Variants in SPATS2 observed in about 807,000 individuals in gnomAD.
SPATS2 encodes the protein spermatogenesis-associated serine-rich protein 2.
In SPATS2, 38 loss-of-function variants were observed where a neutral mutation model predicts 63.7. The ratio of observed to expected loss-of-function variants is 0.60; its 90% CI spans 0.46 to 0.78. The LOEUF (loss-of-function observed/expected upper bound fraction) is 0.78, where lower values mean the gene tolerates loss of function less well. Ranked by LOEUF, SPATS2 falls within the 30% of genes least tolerant of loss-of-function variation. The pLI, the probability that SPATS2 is intolerant of heterozygous loss-of-function variation, is 0.00. For missense variants in SPATS2, 588 were observed against 666.2 expected, an observed-to-expected ratio of 0.88 and a Z score of 1.29; for synonymous variants, 207 against 232.9, an observed-to-expected ratio of 0.89 and a Z score of 1.01.
chr12:49,462,576 C>T, intron 3 of SPATS2: 1 of 621,202 alleles, frequency 1.6e-6, no homozygotes, highest in Non-Finnish European at 2.9e-6. Flanking sequence ...GCACTCGTGG[C>T]TCCTGAGCTC....
chr12:49,503,999 T>G (rs1043760949), intron 9 of SPATS2, among the ~76,000 whole-genome samples: 36 of 152,178 alleles, frequency 2.4e-4, no homozygotes, highest in African/African-American at 8.4e-4. Flanking sequence ...AGCCCTTTGC[T>G]CTGGTTGATT....
intron 13 of SPATS2, among the ~76,000 whole-genome samples, chr12:49,525,326 C>T (rs1449813356): frequency 6.6e-6 from 1 of 152,168 alleles, no homozygotes; most frequent in Non-Finnish European, 1.5e-5. Flanking sequence ...CACTAGAAAG[C>T]TGAGGAGTAA....
chr12:49,376,709 ATTTTTTTT>A (rs33952223), intron 2 of SPATS2, among the ~76,000 whole-genome samples: 22 of 55,776 alleles, frequency 3.9e-4, no homozygotes, highest in East Asian at 1.2e-3. Context: ...TGTTTTGTTG[ATTTTTTTT>A]TTTTTTTTTT....
chr12:49,372,706 T>G (rs1362828413), intron 2 of SPATS2, among the ~76,000 whole-genome samples: 1 of 152,142 alleles, frequency 6.6e-6, no homozygotes, highest in Non-Finnish European at 1.5e-5. Flanking sequence ...CTTCTGTATC[T>G]TCCTGCATTC....
At chr12:49,376,406 A>AT (rs1267689986) in intron 2 of SPATS2, among the ~76,000 whole-genome samples, 2 of 150,570 alleles carry the variant, frequency 1.3e-5, no homozygotes, top group African/African-American at 2.4e-5. Context: ...CCCGCCCCTG[A>AT]TTTTTTTTAA....
intron 8 of SPATS2, among the ~76,000 whole-genome samples, chr12:49,499,365 G>A (rs1458738364): frequency 6.6e-6 from 1 of 151,996 alleles, no homozygotes; most frequent in Non-Finnish European, 1.5e-5. Context: ...CCCTGGCCTG[G>A]TGAGCTCTGG....
At chr12:49,397,383 T>G (rs1008507682) in intron 2 of SPATS2, among the ~76,000 whole-genome samples, 1 of 152,170 alleles carries the variant, frequency 6.6e-6, no homozygotes, top group African/African-American at 2.4e-5. Context: ...AAGTAGATAT[T>G]AAAAAGATGT....
chr12:49,510,639 A>ATGGTT (rs1042752097), intron 9 of SPATS2, among the ~76,000 whole-genome samples: 1 of 152,052 alleles, frequency 6.6e-6, no homozygotes, highest in African/African-American at 2.4e-5. Context: ...GTATTATTGA[A>ATGGTT]TGGTTTTGAC....
intron 5 of SPATS2, chr12:49,490,430 C>T: frequency 2.2e-6 from 1 of 457,270 alleles, no homozygotes. Flanking sequence ...GGCCCAGCTA[C>T]ATTAGTCTCT....
intron 2 of SPATS2, among the ~76,000 whole-genome samples, chr12:49,400,567 C>T (rs116393865): frequency 1.1e-3 from 172 of 152,166 alleles, no homozygotes; most frequent in African/African-American, 4.1e-3. Flanking sequence ...GAGGAGTTGG[C>T]TGTAGATAGG....
At chr12:49,372,715 T>C (rs1320995969) in intron 2 of SPATS2, among the ~76,000 whole-genome samples, 1 of 152,134 alleles carries the variant, frequency 6.6e-6, no homozygotes, top group Non-Finnish European at 1.5e-5. Flanking sequence ...CTTCCTGCAT[T>C]CATTAAAAAA....
intron 9 of SPATS2, among the ~76,000 whole-genome samples, chr12:49,506,263 C>T (rs757003923): frequency 2.6e-5 from 4 of 152,124 alleles, no homozygotes; most frequent in East Asian, 1.9e-4. Context: ...AGGCTGTATT[C>T]GTCTGTTCTC....
chr12:49,449,595 G>C (rs980603945), intron 2 of SPATS2, among the ~76,000 whole-genome samples: 8 of 152,188 alleles, frequency 5.3e-5, no homozygotes, highest in African/African-American at 1.7e-4. Flanking sequence ...ATTTATAAAG[G>C]AAAGAGGTTT....
Position 49,435,727 on chromosome 12 carries a change from G to C in SPATS2, c.-243-25043G>C, listed in dbSNP as rs142114869. On this transcript the variant is annotated intron_variant, in intron 2 of 13. Transcript: ENST00000552918. Reference sequence around the variant, plus strand: ...TTGGCAGGGTCACAGGACAATAGCGGAGGGAAGGTCAGCAGATAAGTGAAC... The same window carrying C: ...TTGGCAGGGTCACAGGACAATAGCGCAGGGAAGGTCAGCAGATAAGTGAAC... 2.0e-5 allele frequency among the ~76,000 whole-genome samples: 3 copies of C among 151,046 alleles called. No individual in the cohort carries two copies. The East Asian group carries it at 5.8e-4, about 29-fold the overall frequency.
chr12:49,524,599 C>T, intron 12 of SPATS2, 83 bp from the exon 13 acceptor site: 3 of 1,391,890 alleles, frequency 2.2e-6, no homozygotes, highest in Admixed American at 1.8e-5. Context: ...TTAAATTGCT[C>T]ATTGTGAAAT....
At chr12:49,503,714 C>T (rs1340501952) in intron 9 of SPATS2, among the ~76,000 whole-genome samples, 1 of 152,094 alleles carries the variant, frequency 6.6e-6, no homozygotes, top group Non-Finnish European at 1.5e-5. Context: ...TTTGATAAGC[C>T]TCTGGTCTCC....
chr12:49,477,864 G>A (rs1705608987), intron 3 of SPATS2, among the ~76,000 whole-genome samples: 1 of 150,226 alleles, frequency 6.7e-6, no homozygotes, highest in South Asian at 2.1e-4. Context: ...CAAAACAGTC[G>A]TATTTCCTCC....
At chr12:49,495,104 C>A in intron 7 of SPATS2, 102 bp downstream of exon 7, 1 of 1,230,602 alleles carries the variant, frequency 8.1e-7, no homozygotes, top group Non-Finnish European at 1.1e-6. Context: ...CTTTTTTTAT[C>A]CAGTGCTTGC....
In SPATS2 at chr12:49,526,129, G is replaced by T. The variant is rs764059315; in HGVS notation, c.1512G>T (p.Gln504His). 4.3e-6 allele frequency: 7 copies of T among 1,614,196 alleles called. No homozygotes were observed. In the South Asian group the frequency reaches 7.7e-5, roughly 18 times the overall value. Residue 504 changes from glutamine (Q) to histidine (H), a missense_variant, in exon 14 of 14, where the codon CAG becomes CAT. Physicochemically the swap from Gln to His is conservative, Grantham distance 24. Coordinates refer to ENST00000552918, the MANE Select transcript of SPATS2 (RefSeq NM_023071.4). ...CAGGAAACACCATTGAAAGAGGCCAGACTCACTCTGCAGGGACCAATGGAA... is the reference window on the plus strand; with the variant it reads ...CAGGAAACACCATTGAAAGAGGCCATACTCACTCTGCAGGGACCAATGGAA... The part of the protein sequence containing the change: ...QAPGNTIERG[Q>H]THSAGTNGTG...
Sources: gnomAD v4.1 joint callset for allele counts (sites outside exome capture counted in the v4.1 genomes callset) on GRCh38, gnomAD v4.1.1 for gene constraint, MANE v1.5 for transcripts, NCBI Gene and HGNC (gene_info 2026-07-23, HGNC 2026-07-21) for gene names.